The following CORO2B variants were observed in gnomAD, a reference collection of about 807,000 sequenced individuals.
CORO2B encodes the protein coronin-2B.
CORO2B carries 26 observed loss-of-function variants against 58.8 expected under a neutral mutation model. The ratio of observed to expected loss-of-function variants is 0.44; its 90% CI spans 0.32 to 0.61. The LOEUF (loss-of-function observed/expected upper bound fraction) is 0.61. Ranked by LOEUF, CORO2B falls within the 20% of genes least tolerant of loss-of-function variation. CORO2B has a pLI of 0.04. For missense variants in CORO2B, 460 were observed against 645.1 expected (o/e 0.71, Z 3.11); for synonymous variants, 242 against 253.8 (o/e 0.95, Z 0.44).
At chr15:68,522,424 T>C in the CORO2B span, among the ~76,000 whole-genome samples, 1 of 152,200 alleles carries the variant, frequency 6.6e-6, no homozygotes, top group Admixed American at 6.5e-5. Flanking sequence ...GCCAATCTAT[T>C]GTTGAGCCAT....
At chr15:68,642,609 G>A (rs896273539) in intron 1 of CORO2B, among the ~76,000 whole-genome samples, 1 of 152,212 alleles carries the variant, frequency 6.6e-6, no homozygotes, top group Admixed American at 6.5e-5. Flanking sequence ...ACTCACCTAG[G>A]CTGCCTGGGA....
the CORO2B span, among the ~76,000 whole-genome samples, chr15:68,529,816 A>G: frequency 6.6e-6 from 1 of 152,182 alleles, no homozygotes; most frequent in Non-Finnish European, 1.5e-5. Context: ...TCACCACCAT[A>G]TCTATATGTC....
chr15:68,590,534 G>A (rs993914504), intron 1 of CORO2B, among the ~76,000 whole-genome samples: 2 of 152,142 alleles, frequency 1.3e-5, no homozygotes, highest in East Asian at 1.9e-4. Flanking sequence ...GCACAAGCAG[G>A]AGCTGCAGGC....
chr15:68,533,251 T>C, the CORO2B span, among the ~76,000 whole-genome samples: 1 of 152,196 alleles, frequency 6.6e-6, no homozygotes, highest in African/African-American at 2.4e-5. Context: ...AATTATTTAA[T>C]ATATTTCAAT....
chr15:68,570,322 T>TAG, the CORO2B span, among the ~76,000 whole-genome samples: 1 of 152,218 alleles, frequency 6.6e-6, no homozygotes, highest in South Asian at 2.1e-4. Flanking sequence ...ACACAGCAGT[T>TAG]GTTTAGAGCT....
At chr15:68,551,955 T>A in the CORO2B span, among the ~76,000 whole-genome samples, 1 of 135,700 alleles carries the variant, frequency 7.4e-6, no homozygotes, top group African/African-American at 2.7e-5. Context: ...GCAGCAAGGA[T>A]GGGTGGGTGG....
chr15:68,570,359 T>C, the CORO2B span, among the ~76,000 whole-genome samples: 5 of 152,250 alleles, frequency 3.3e-5, no homozygotes, highest in Non-Finnish European at 5.9e-5. Flanking sequence ...ATAAGGACTA[T>C]TGATCTGTGG....
intron 1 of CORO2B, among the ~76,000 whole-genome samples, chr15:68,607,020 A>G (rs1310538916): frequency 1.3e-5 from 2 of 152,112 alleles, no homozygotes; most frequent in African/African-American, 4.8e-5. Flanking sequence ...AAACATCTTG[A>G]GTCTCCCCTG....
chr15:68,711,836 C>A, intron 5 of CORO2B, 130 bp downstream of exon 5: 1 of 1,067,948 alleles, frequency 9.4e-7, no homozygotes, highest in Non-Finnish European at 1.4e-6. Context: ...CTCTGTTGAA[C>A]AACCTTTCTC....
intron 1 of CORO2B, 54 bp downstream of exon 1, chr15:68,579,331 G>C: frequency 8.0e-7 from 1 of 1,249,538 alleles, no homozygotes; most frequent in Non-Finnish European, 1.0e-6. Context: ...GCATCCCCCG[G>C]GCTAGGCTGC....
At chr15:68,559,851 G>T in the CORO2B span, among the ~76,000 whole-genome samples, 20 of 152,384 alleles carry the variant, frequency 1.3e-4, no homozygotes, top group East Asian at 3.9e-3. This position sits in a 1 kb window ranked among gnomAD's most constrained non-coding sequence, Gnocchi z 4.3. Flanking sequence ...AAACGCGCGC[G>T]CACGGAGAGC....
chr15:68,696,249 CA>C (rs77017896), intron 3 of CORO2B, among the ~76,000 whole-genome samples: 2,257 of 102,454 alleles, frequency 0.022, 33 homozygotes, highest in Middle Eastern at 0.054. Context: ...GCCACTGTCT[CA>C]AAAAAAAAAA....
At chr15:68,552,639 T>G in the CORO2B span, among the ~76,000 whole-genome samples, 1 of 152,164 alleles carries the variant, frequency 6.6e-6, no homozygotes, top group Non-Finnish European at 1.5e-5. Context: ...GACTGCCTCC[T>G]GCACACACTG....
At chr15:68,634,521 G>A (rs1900966268) in intron 1 of CORO2B, among the ~76,000 whole-genome samples, 1 of 152,150 alleles carries the variant, frequency 6.6e-6, no homozygotes, top group Non-Finnish European at 1.5e-5. Flanking sequence ...GGGAGGTAAA[G>A]GGACAGATGC....
intron 1 of CORO2B, among the ~76,000 whole-genome samples, chr15:68,639,934 A>G (rs1198510232): frequency 1.3e-5 from 2 of 152,194 alleles, no homozygotes; most frequent in African/African-American, 4.8e-5. Context: ...CTTTAAGGGT[A>G]AAGGCAAAGG....
At chr15:68,618,425 T>G (rs1160655771) in intron 1 of CORO2B, among the ~76,000 whole-genome samples, 1 of 152,180 alleles carries the variant, frequency 6.6e-6, no homozygotes, top group African/African-American at 2.4e-5. Flanking sequence ...CCAGTTCAAG[T>G]GGCACTTGAG....
At chr15:68,574,366 G>A (rs1008938703), upstream of CORO2B, among the ~76,000 whole-genome samples, 15 of 152,114 alleles carry the variant, frequency 9.9e-5, no homozygotes, top group African/African-American at 3.4e-4. Context: ...CTACAGCTTT[G>A]GGAATCTCCC....
rs1901224284 is a variant in CORO2B at position 68,641,456 on chromosome 15, G to A, written c.16-3704G>A. On this transcript the variant is annotated intron_variant, in intron 1 of 11. Coordinates refer to ENST00000261861, the MANE Select transcript of CORO2B (RefSeq NM_006091.5). Reference sequence around the variant, plus strand: ...GGATTTGGGGGAGAGAGGAAAGAAGGGCAGAGAGTGGGAGGAAGCAGAAGG... The same window carrying A: ...GGATTTGGGGGAGAGAGGAAAGAAGAGCAGAGAGTGGGAGGAAGCAGAAGG... The A allele has an allele frequency of 6.9e-6, 6 of 871,456 alleles. No homozygotes were observed. The South Asian group carries it at 2.6e-4, about 38-fold the overall frequency. 54.0% of individuals were successfully genotyped at this position (871,456 alleles called of 1,614,324 possible).
intron 1 of CORO2B, among the ~76,000 whole-genome samples, chr15:68,609,993 A>G (rs925039816): frequency 3.3e-5 from 5 of 151,928 alleles, no homozygotes; most frequent in African/African-American, 1.2e-4. Flanking sequence ...CCCTCTACCC[A>G]CCCTCCTTCT....
Sources: allele counts gnomAD v4.1 joint callset (sites outside exome capture counted in the v4.1 genomes callset), GRCh38; gene constraint gnomAD v4.1.1; non-coding constraint Gnocchi (gnomAD v3.1); transcripts MANE v1.5; gene names NCBI Gene and HGNC (gene_info 2026-07-23, HGNC 2026-07-21).